Variants in RASEF observed in about 807,000 individuals in gnomAD.
RASEF encodes ras and EF-hand domain-containing protein.
RASEF carries 68 observed loss-of-function variants against 90.1 expected under a neutral mutation model. The observed-to-expected ratio is 0.75, with a 90% CI of 0.62 to 0.92. The LOEUF (loss-of-function observed/expected upper bound fraction) is 0.92. Among genes scored for constraint, RASEF ranks in the 40% least tolerant of loss-of-function variants. The pLI is 0.00. For synonymous variants in RASEF, 331 were observed against 345.2 expected (o/e 0.96, Z 0.46); for missense variants, 949 against 937.2 (o/e 1.01, Z -0.16).
At chr9:83,185,375 T>G in the RASEF span, among the ~76,000 whole-genome samples, 3 of 151,590 alleles carry the variant, frequency 2.0e-5, no homozygotes, top group African/African-American at 7.3e-5. Context: ...TTAATTTTTT[T>G]GTGGAGACCC....
chr9:83,000,001 ACACACACACACACAC>A (rs1828995442), intron 12 of RASEF, among the ~76,000 whole-genome samples, 153 bp downstream of exon 12: 1 of 48,308 alleles, frequency 2.1e-5, no homozygotes, highest in Non-Finnish European at 4.9e-5. Context: ...ACACACACAC[ACACACACACACACAC>A]ACACACACAC....
At chr9:83,015,960 C>T in intron 3 of RASEF, 60 bp from the exon 4 acceptor site, 1 of 1,245,268 alleles carries the variant, frequency 8.0e-7, no homozygotes, top group Non-Finnish European at 1.2e-6. Flanking sequence ...ACCTTCAAAA[C>T]CCCACAGGTG....
At position 82,980,367 on chromosome 9, in the gene RASEF, T is replaced by G. The variant is rs1381290063; in HGVS notation, c.*2310A>C. On this transcript the variant is annotated 3_prime_UTR_variant, in exon 17 of 17. Transcript: ENST00000376447. ...TTAAGAAGCTTCTCTTTAAACATGA[T>G]TGCTAACCAGAGCTCTAAGTCTCTA... 1 of 152,226 alleles carries G rather than the reference T, an allele frequency of 6.6e-6. No individual in the cohort carries two copies. The highest frequency in any genetic ancestry group is 2.4e-5 in the African/African-American group (1 of 41,472). The allele number at this position is 152,226 out of a possible 1,614,324, so 9.4% of individuals were successfully genotyped here.
the RASEF span, among the ~76,000 whole-genome samples, chr9:83,099,988 G>A: frequency 4.3e-3 from 653 of 152,270 alleles, 6 homozygotes; most frequent in Middle Eastern, 0.024. Context: ...AAGATATCAA[G>A]CAATCCAACA....
chr9:83,009,956 CTCAAAG>C (rs1400589513), intron 5 of RASEF, among the ~76,000 whole-genome samples, 200 bp from the exon 6 acceptor site: 5 of 152,152 alleles, frequency 3.3e-5, no homozygotes, highest in Non-Finnish European at 7.3e-5. Context: ...AATCAAAACC[CTCAAAG>C]TCATTCTTCA....
the RASEF span, among the ~76,000 whole-genome samples, chr9:83,114,067 C>T: frequency 0.054 from 8,147 of 152,142 alleles, 273 homozygotes; most frequent in South Asian, 0.099. Flanking sequence ...TTTCTTAGAC[C>T]GGCCAACACT....
chr9:82,989,582 T>C (rs145783036), intron 16 of RASEF, among the ~76,000 whole-genome samples: 2 of 152,314 alleles, frequency 1.3e-5, no homozygotes, highest in African/African-American at 2.4e-5. Flanking sequence ...CAATATTTAC[T>C]AGCAGAAAAG....
the RASEF span, among the ~76,000 whole-genome samples, chr9:83,103,285 A>G: frequency 6.6e-6 from 1 of 152,316 alleles, no homozygotes; most frequent in African/African-American, 2.4e-5. Flanking sequence ...CAATCGGCTT[A>G]TTAGTGATGA....
chr9:83,193,299 T>C, the RASEF span, among the ~76,000 whole-genome samples: 4 of 152,052 alleles, frequency 2.6e-5, no homozygotes, highest in South Asian at 8.3e-4. Context: ...ATGAGAAAAA[T>C]GAAGAGTGGG....
chr9:83,068,340 G>A, the RASEF span, among the ~76,000 whole-genome samples: 7 of 152,208 alleles, frequency 4.6e-5, no homozygotes, highest in African/African-American at 1.7e-4. Flanking sequence ...AAGTGAGCAG[G>A]ACCTGTGAAT....
chr9:83,088,642 T>C, the RASEF span, among the ~76,000 whole-genome samples: 10 of 152,194 alleles, frequency 6.6e-5, no homozygotes, highest in East Asian at 1.7e-3. Flanking sequence ...ATATTTTTGA[T>C]AGATTGACTC....
the RASEF span, among the ~76,000 whole-genome samples, chr9:83,133,933 T>TC: frequency 6.5e-3 from 987 of 152,140 alleles, 18 homozygotes; most frequent in African/African-American, 0.023. Context: ...TTATTTTAGT[T>TC]CCCCCATGCA....
the RASEF span, among the ~76,000 whole-genome samples, chr9:83,070,127 GT>G: frequency 6.7e-5 from 10 of 150,376 alleles, no homozygotes; most frequent in African/African-American, 2.5e-4. Context: ...AGAGTAGATA[GT>G]TTTGGTTTTG....
the RASEF span, among the ~76,000 whole-genome samples, chr9:83,198,709 A>T: frequency 6.6e-6 from 1 of 152,064 alleles, no homozygotes; most frequent in African/African-American, 2.4e-5. Flanking sequence ...CTCAGCGACC[A>T]CTCCACAGAG....
chr9:83,008,117 T>C (rs528224293), intron 6 of RASEF, among the ~76,000 whole-genome samples: 3 of 152,190 alleles, frequency 2.0e-5, no homozygotes, highest in East Asian at 3.9e-4. Flanking sequence ...CTCTGGCTTC[T>C]TCCCCAAACT....
chr9:83,160,569 G>A, the RASEF span, among the ~76,000 whole-genome samples: 1 of 152,164 alleles, frequency 6.6e-6, no homozygotes. Flanking sequence ...TAAAAGTTTG[G>A]AAAATTTGCA....
intron 1 of RASEF, among the ~76,000 whole-genome samples, chr9:83,057,198 G>C (rs1830117205): frequency 1.3e-5 from 2 of 152,116 alleles, no homozygotes; most frequent in African/African-American, 4.8e-5. Flanking sequence ...GAGCAATCAG[G>C]CAAGAGAAAG....
Position 82,979,878 on chromosome 9 carries a change from C to T in RASEF, c.*2799G>A, listed in dbSNP as rs758254153. 4 of 152,100 alleles carry T rather than the reference C, an allele frequency of 2.6e-5. No homozygotes were observed. The highest frequency in any genetic ancestry group is 1.5e-5 in the Non-Finnish European group (1 of 68,032). The allele number at this position is 152,100 out of a possible 1,614,324, so 9.4% of individuals were successfully genotyped here. A position where few individuals can be genotyped will look rare whatever the true frequency, so the allele number is the denominator to read the frequency against. On this transcript the variant is annotated 3_prime_UTR_variant, in exon 17 of 17. Coordinates refer to ENST00000376447, the MANE Select transcript of RASEF (RefSeq NM_152573.4). ...ACCATCACTGAAGCCGATCACTGTACAAATATGAAAATAAATCTTTATCTT... is the reference window on the plus strand; with the variant it reads ...ACCATCACTGAAGCCGATCACTGTATAAATATGAAAATAAATCTTTATCTT...
chr9:83,111,191 CAATT>C, the RASEF span, among the ~76,000 whole-genome samples: 4,175 of 152,234 alleles, frequency 0.027, 186 homozygotes, highest in African/African-American at 0.094. Context: ...ATTTAAAACT[CAATT>C]GATAGATTAA....
Sources: gnomAD v4.1 joint callset for allele counts (sites outside exome capture counted in the v4.1 genomes callset) on GRCh38, gnomAD v4.1.1 for gene constraint, MANE v1.5 for transcripts, NCBI Gene and HGNC (gene_info 2026-07-23, HGNC 2026-07-21) for gene names.